Variants in RBFOX1 observed in about 807,000 individuals in gnomAD.
RBFOX1 encodes the protein RNA binding fox-1 homolog 1, also known as RNA binding protein fox-1 homolog 1.
A neutral mutation model predicts 57.7 loss-of-function variants in RBFOX1; 8 were observed. The ratio of observed to expected loss-of-function variants is 0.14; its 90% CI spans 0.08 to 0.25. The LOEUF (loss-of-function observed/expected upper bound fraction) is 0.25. Ranked by LOEUF, RBFOX1 falls within the 10% of genes least tolerant of loss-of-function variation. The pLI, the probability that RBFOX1 is intolerant of heterozygous loss-of-function variation, is 1.00. For missense variants in RBFOX1, 611 were observed against 548.5 expected, an observed-to-expected ratio of 1.11 and a Z score of -1.14; for synonymous variants, 326 against 222.4, an observed-to-expected ratio of 1.47 and a Z score of -4.15.
intron 1 of RBFOX1, among the ~76,000 whole-genome samples, chr16:6,082,344 C>G (rs866062324): frequency 5.2e-5 from 3 of 57,198 alleles, no homozygotes; most frequent in Admixed American, 4.3e-4. Flanking sequence ...CCACACCTGG[C>G]TAATTTTTTT....
At chr16:7,644,899 G>C (rs957290040) in intron 11 of RBFOX1, among the ~76,000 whole-genome samples, 3 of 152,132 alleles carry the variant, frequency 2.0e-5, no homozygotes, top group African/African-American at 7.2e-5. Flanking sequence ...AACTGAATTT[G>C]GGAGTCAAGT....
intron 3 of RBFOX1, among the ~76,000 whole-genome samples, chr16:6,831,795 G>A (rs1230257055): frequency 2.6e-5 from 4 of 152,140 alleles, no homozygotes; most frequent in Non-Finnish European, 5.9e-5. Flanking sequence ...AGGGACAGTG[G>A]GAAGAACAAG....
At chr16:5,851,137 A>G (rs2056888026) in intron 3 of RBFOX1, among the ~76,000 whole-genome samples, 1 of 152,182 alleles carries the variant, frequency 6.6e-6, no homozygotes, top group Non-Finnish European at 1.5e-5. Flanking sequence ...CAATCAGCCC[A>G]AAATTCTGGG....
chr16:6,520,607 G>A (rs1458446252), intron 2 of RBFOX1, among the ~76,000 whole-genome samples: 1 of 152,164 alleles, frequency 6.6e-6, no homozygotes, highest in Non-Finnish European at 1.5e-5. Context: ...AGATATGTGG[G>A]CACCTTTAGC....
At chr16:7,167,323 C>G (rs1433526549) in intron 4 of RBFOX1, among the ~76,000 whole-genome samples, 2 of 151,906 alleles carry the variant, frequency 1.3e-5, no homozygotes, top group Admixed American at 6.6e-5. Context: ...CATTAAGGAT[C>G]TCTAGGTGAA....
intron 3 of RBFOX1, among the ~76,000 whole-genome samples, chr16:6,821,711 G>C (rs971374810): frequency 2.0e-5 from 3 of 152,310 alleles, no homozygotes; most frequent in South Asian, 2.1e-4. Context: ...GCCTGTATCA[G>C]TGCTTCATCA....
At chr16:7,321,869 C>A (rs541355350) in intron 4 of RBFOX1, among the ~76,000 whole-genome samples, 1 of 152,296 alleles carries the variant, frequency 6.6e-6, no homozygotes, top group South Asian at 2.1e-4. Context: ...CTGTTGCCAC[C>A]AGCTGCCTGG....
intron 2 of RBFOX1, among the ~76,000 whole-genome samples, chr16:5,513,132 C>G (rs1450500367): frequency 6.6e-6 from 1 of 152,156 alleles, no homozygotes; most frequent in Non-Finnish European, 1.5e-5. Flanking sequence ...CCAGGCTGGT[C>G]TTGAACTCCA....
intron 3 of RBFOX1, among the ~76,000 whole-genome samples, chr16:7,031,885 C>T (rs1048348897): frequency 1.3e-5 from 2 of 152,188 alleles, no homozygotes; most frequent in Non-Finnish European, 2.9e-5. Context: ...TGCCTTCTAA[C>T]TGATCTCTCC....
intron 1 of RBFOX1, among the ~76,000 whole-genome samples, chr16:6,076,330 A>C (rs1234873956): frequency 2.0e-5 from 3 of 150,250 alleles, no homozygotes; most frequent in Non-Finnish European, 4.4e-5. Flanking sequence ...GCACAAACAC[A>C]CGCGCACACA....
chr16:7,005,541 T>G (rs1250081956), intron 3 of RBFOX1, among the ~76,000 whole-genome samples: 1 of 152,148 alleles, frequency 6.6e-6, no homozygotes, highest in Non-Finnish European at 1.5e-5. Flanking sequence ...TTCTGTAATT[T>G]TTATCTTGAG....
chr16:7,073,340 A>G (rs2057709246), intron 4 of RBFOX1, among the ~76,000 whole-genome samples: 1 of 152,220 alleles, frequency 6.6e-6, no homozygotes, highest in Non-Finnish European at 1.5e-5. Flanking sequence ...GGCATGGCCC[A>G]TGACTGTAGA....
chr16:6,591,132 A>G (rs1038366215), intron 2 of RBFOX1, among the ~76,000 whole-genome samples: 1 of 152,166 alleles, frequency 6.6e-6, no homozygotes, highest in African/African-American at 2.4e-5. Flanking sequence ...ACTGTGTATT[A>G]TACAATAAAT....
At chr16:7,007,267 A>G (rs901490615) in intron 3 of RBFOX1, among the ~76,000 whole-genome samples, 11 of 152,130 alleles carry the variant, frequency 7.2e-5, no homozygotes, top group African/African-American at 1.7e-4. Context: ...TCCTTTTGTG[A>G]AGTGTGGACT....
chr16:6,791,615 C>G (rs575554166), intron 3 of RBFOX1, among the ~76,000 whole-genome samples: 83 of 152,264 alleles, frequency 5.5e-4, no homozygotes, highest in African/African-American at 2.0e-3. Context: ...AAAAATCAGC[C>G]AGGTGTAGTG....
At chr16:7,474,881 T>A (rs543605844) in intron 4 of RBFOX1, among the ~76,000 whole-genome samples, 5 of 152,310 alleles carry the variant, frequency 3.3e-5, no homozygotes, top group African/African-American at 1.2e-4. Flanking sequence ...GTTACCTGAA[T>A]CCATTCATCC....
intron 11 of RBFOX1, among the ~76,000 whole-genome samples, chr16:7,638,279 G>C (rs1261858815): frequency 6.6e-6 from 1 of 152,196 alleles, no homozygotes; most frequent in Non-Finnish European, 1.5e-5. Context: ...CTATAGGACA[G>C]GTATGATTAA....
At chr16:7,443,877 C>A (rs1021954184) in intron 4 of RBFOX1, among the ~76,000 whole-genome samples, 19 of 152,180 alleles carry the variant, frequency 1.2e-4, no homozygotes, top group African/African-American at 4.6e-4. Flanking sequence ...AAATTTTGGG[C>A]GTCTGAACTT....
intron 1 of RBFOX1, among the ~76,000 whole-genome samples, chr16:5,361,886 C>T (rs2065561767): frequency 1.3e-5 from 2 of 152,176 alleles, no homozygotes; most frequent in African/African-American, 4.8e-5. Context: ...TGCTCACAGG[C>T]AGTGACAAAA....
Sources: gnomAD v4.1 joint callset for allele counts (sites outside exome capture counted in the v4.1 genomes callset) on GRCh38, gnomAD v4.1.1 for gene constraint, MANE v1.5 for transcripts, NCBI Gene and HGNC (gene_info 2026-07-23, HGNC 2026-07-21) for gene names.